Variants in PIGB observed in about 807,000 individuals in gnomAD.
PIGB encodes GPI alpha-1,2-mannosyltransferase 3.
Under a neutral mutation model 68.4 loss-of-function variants are expected in PIGB, and 58 were observed. The observed-to-expected ratio is 0.85, with a 90% CI of 0.69 to 1.06. PIGB has a LOEUF of 1.06. Among genes scored for constraint, PIGB ranks in the 50% least tolerant of loss-of-function variants. The pLI is 0.00. For missense variants in PIGB, 634 were observed against 655.8 expected (o/e 0.97, Z 0.36); for synonymous variants, 219 against 220.5 (o/e 0.99, Z 0.06).
intron 5 of PIGB, among the ~76,000 whole-genome samples, chr15:55,332,673 T>C (rs971765136): frequency 7.9e-5 from 12 of 152,212 alleles, no homozygotes; most frequent in Admixed American, 2.0e-4. Flanking sequence ...ACACCTGGCC[T>C]ACAGATTTCT....
Position 55,355,322 on chromosome 15 carries a change from A to G in PIGB, c.1555A>G (p.Arg519Gly). The G allele has an allele frequency of 6.2e-7, 1 of 1,611,366 alleles. No individual in the cohort carries two copies. The highest frequency in any genetic ancestry group is 8.5e-7 in the Non-Finnish European group (1 of 1,177,984). ...SAFLISSNYKRTAVFFHTHLP... is the reference protein window; with the variant it reads ...SAFLISSNYKGTAVFFHTHLP... ...TTTCCTAATTTCAAGCAATTATAAA[A>G]GAACTGCTGTTTTCTTCCACACTCA... The change falls in exon 12 of 12, where the codon AGA (arginine) becomes GGA (glycine). Residue 519 changes from arginine (R) to glycine (G), a missense_variant. Arg to Gly is a moderately radical substitution (Grantham distance 125). Transcript: ENST00000164305.
chr15:55,350,083 T>C (rs576701157), intron 9 of PIGB: 8 of 152,220 alleles, frequency 5.3e-5, no homozygotes, highest in African/African-American at 1.7e-4. Context: ...AAAAGAAAAA[T>C]TGTTCAGCAT....
chr15:55,354,156 A>G (rs143904281), intron 10 of PIGB, among the ~76,000 whole-genome samples: 5,534 of 151,968 alleles, frequency 0.036, 105 homozygotes, highest in African/African-American at 0.05. Context: ...TACTAAAAAA[A>G]TACAAAAATC....
intron 9 of PIGB, among the ~76,000 whole-genome samples, chr15:55,345,770 ATTC>A (rs2055779715): frequency 6.6e-6 from 1 of 152,024 alleles, no homozygotes; most frequent in African/African-American, 2.4e-5. Context: ...AAAAAAAAAA[ATTC>A]TTCTTGATAC....
intron 1 of PIGB, chr15:55,319,894 A>G (rs995047863): frequency 1.6e-5 from 3 of 182,512 alleles, no homozygotes; most frequent in African/African-American, 7.1e-5. Flanking sequence ...GGACCATTTT[A>G]TATTGCACAT....
chr15:55,332,107 T>G (rs1255988997), intron 5 of PIGB, among the ~76,000 whole-genome samples: 1 of 151,996 alleles, frequency 6.6e-6, no homozygotes, highest in Non-Finnish European at 1.5e-5. Flanking sequence ...CCCGAGTAGC[T>G]GGGACTACAG....
chr15:55,320,244 C>A, intron 1 of PIGB, 31 bp from the exon 2 acceptor site: 2 of 1,595,994 alleles, frequency 1.3e-6, no homozygotes, highest in South Asian at 1.1e-5. Flanking sequence ...GACTTTTGTG[C>A]CACTATTACC....
At chr15:55,354,236 A>T (rs552964418) in intron 10 of PIGB, among the ~76,000 whole-genome samples, 2 of 151,840 alleles carry the variant, frequency 1.3e-5, no homozygotes, top group South Asian at 4.2e-4. Flanking sequence ...AATTGCTGGG[A>T]GGTGGAGGTT....
intron 4 of PIGB, among the ~76,000 whole-genome samples, chr15:55,328,709 T>C (rs2141174553): frequency 6.6e-6 from 1 of 152,298 alleles, no homozygotes; most frequent in East Asian, 1.9e-4. Context: ...GGCTCACCCC[T>C]ATAATCCCAG....
rs753291881 is a variant in PIGB, at chr15:55,333,874, T to C, written c.661T>C (p.Tyr221His). Residue 221 changes from tyrosine (Y) to histidine (H), a missense_variant, in exon 6 of 12, where the codon TAC becomes CAC. Transcript: ENST00000164305. The stretch of plus-strand genomic sequence containing the variant: ...CACATTTTCCTCTTATAGTGTCAAA[T>C]ACTCATCCCTGGTGGCACTTGCCTT... ...EGSKSMNSVK[Y>H]SSLVALAFII... 1 of 1,596,866 alleles carries C rather than the reference T, an allele frequency of 6.3e-7. No individual in the cohort carries two copies. The highest frequency in any genetic ancestry group is 8.5e-7 in the Non-Finnish European group (1 of 1,172,356).
rs2055320680 is a variant in PIGB, at chr15:55,327,513, T to C, written c.418-18T>C. ...ACAGATATTTTTAACATCCTGTTCT[T>C]CTTTTTAACTGATGAAGATTTGGAT... On this transcript the variant is annotated intron_variant, in intron 3 of 11. Transcript: ENST00000164305. 1.3e-6 allele frequency: 2 copies of C among 1,526,162 alleles called. No homozygotes were observed. The highest frequency in any genetic ancestry group is 1.8e-6 in the Non-Finnish European group (2 of 1,108,594). The allele number at this position is 1,526,162 out of a possible 1,614,324, so 94.5% of individuals were successfully genotyped here. A position where few individuals can be genotyped will look rare whatever the true frequency, so the allele number is the denominator to read the frequency against.
chr15:55,350,886 G>A lies in PIGB; in HGVS notation c.1311G>A (p.Met437Ile). ...CTTCAGCTTCAATATTTATAATGATGCCTTGCCACTCTACTCCTTATTACA... is the reference window on the plus strand; with the variant it reads ...CTTCAGCTTCAATATTTATAATGATACCTTGCCACTCTACTCCTTATTACA... Reference protein sequence around the residue: ...NKSSASIFIMMPCHSTPYYSH... With the variant: ...NKSSASIFIMIPCHSTPYYSH... The change falls in exon 10 of 12, where the codon ATG (methionine) becomes ATA (isoleucine). Residue 437 changes from methionine (M) to isoleucine (I), a missense_variant. By Grantham distance (10) the Met-to-Ile change is conservative. Coordinates refer to ENST00000164305, the MANE Select transcript of PIGB (RefSeq NM_004855.5). The A allele has an allele frequency of 6.3e-7, 1 of 1,595,952 alleles. No individual in the cohort carries two copies. Among genetic ancestry groups the A allele is most frequent in the South Asian group, 1.1e-5 (1 of 90,670 alleles).
intron 3 of PIGB, among the ~76,000 whole-genome samples, chr15:55,325,707 G>A (rs1159979662): frequency 6.6e-6 from 1 of 151,898 alleles, no homozygotes; most frequent in African/African-American, 2.4e-5. Context: ...ACAAGGTCAC[G>A]AGATCAAGAC....
At chr15:55,347,656 C>T (rs1054488867) in intron 9 of PIGB, among the ~76,000 whole-genome samples, 7 of 152,204 alleles carry the variant, frequency 4.6e-5, no homozygotes, top group Non-Finnish European at 1.0e-4. Flanking sequence ...TAAGCTATCA[C>T]CTGACTCTCC....
chr15:55,320,461 A>T (rs1360838592), intron 2 of PIGB, 51 bp downstream of exon 2: 6 of 1,564,998 alleles, frequency 3.8e-6, no homozygotes, highest in Non-Finnish European at 5.2e-6. Context: ...TCATCTTGGA[A>T]ATTGTGCTCA....
intron 3 of PIGB, among the ~76,000 whole-genome samples, chr15:55,321,695 T>G (rs1453075318): frequency 1.5e-5 from 2 of 137,650 alleles, no homozygotes; most frequent in Non-Finnish European, 3.1e-5. Context: ...TCTTGTTGCC[T>G]AGGCTGGAGT....
chr15:55,352,409 C>T (rs555223058), intron 10 of PIGB, among the ~76,000 whole-genome samples: 4 of 152,156 alleles, frequency 2.6e-5, no homozygotes, highest in Non-Finnish European at 5.9e-5. Flanking sequence ...TCCATTTGTT[C>T]CTGTGCTTTA....
intron 6 of PIGB, 51 bp downstream of exon 6, chr15:55,334,058 G>A: frequency 7.5e-7 from 1 of 1,339,348 alleles, no homozygotes; most frequent in East Asian, 2.6e-5. Flanking sequence ...ACAAATCACA[G>A]ATTACGAACA....
Position 55,341,774 on chromosome 15 carries a change from A to G in PIGB, c.1095A>G (p.Pro365=). Residue 365 remains proline, a synonymous_variant, in exon 9 of 12, where the codon CCA becomes CCG. Transcript: ENST00000164305. ...ACAAAGAATTCAGGTTTATTTATCC[A>G]GTTTTACCATTCTGTATGGTGTTCT... ...LSHKEFRFIY[P]VLPFCMVFCG... The G allele has an allele frequency of 6.8e-7, 1 of 1,464,348 alleles. No individual in the cohort carries two copies. The highest frequency in any genetic ancestry group is 2.6e-5 in the East Asian group (1 of 38,972). The allele number at this position is 1,464,348 out of a possible 1,614,324, so 90.7% of individuals were successfully genotyped here.
Sources: allele counts gnomAD v4.1 joint callset (sites outside exome capture counted in the v4.1 genomes callset), GRCh38; gene constraint gnomAD v4.1.1; transcripts MANE v1.5; gene names NCBI Gene and HGNC (gene_info 2026-07-23, HGNC 2026-07-21).